Variants in SMYD3 observed in about 807,000 individuals in gnomAD.
The protein encoded by SMYD3 is SET and MYND domain containing 3, also known as histone-lysine N-methyltransferase SMYD3.
In SMYD3, 36 loss-of-function variants were observed where a neutral mutation model predicts 57.7. That is an observed-to-expected ratio of 0.62 (90% CI 0.48 to 0.82). The LOEUF (loss-of-function observed/expected upper bound fraction) is 0.82. SMYD3 is among the 40% of genes least tolerant of loss of function. The pLI is 0.00. For missense variants in SMYD3, 515 were observed against 538.8 expected (o/e 0.96, Z 0.44); for synonymous variants, 211 against 195.0 (o/e 1.08, Z -0.68).
At chr1:246,462,913 A>G (rs2067824667) in intron 1 of SMYD3, among the ~76,000 whole-genome samples, 1 of 152,182 alleles carries the variant, frequency 6.6e-6, no homozygotes, top group South Asian at 2.1e-4. Context: ...CAGCAAAATC[A>G]CATCTAAGAG....
intron 5 of SMYD3, among the ~76,000 whole-genome samples, chr1:246,190,584 CAA>C (rs11302731): frequency 0.06 from 3,774 of 62,650 alleles, 24 homozygotes; most frequent in Non-Finnish European, 0.073. Context: ...GACTCTGTCT[CAA>C]AAAAAAAAAA....
chr1:246,117,610 G>A (rs192725839), intron 5 of SMYD3, among the ~76,000 whole-genome samples: 1 of 152,174 alleles, frequency 6.6e-6, no homozygotes, highest in East Asian at 1.9e-4. Context: ...CCCAGTGCTC[G>A]CTCTTGCGCA....
chr1:246,000,839 G>A (rs2059027453), intron 5 of SMYD3, among the ~76,000 whole-genome samples: 1 of 152,128 alleles, frequency 6.6e-6, no homozygotes, highest in Non-Finnish European at 1.5e-5. Flanking sequence ...ATATCTATCA[G>A]TGAGTATTTG....
intron 10 of SMYD3, among the ~76,000 whole-genome samples, chr1:245,851,584 C>G (rs1439574874): frequency 6.6e-6 from 1 of 152,184 alleles, no homozygotes; most frequent in African/African-American, 2.4e-5. Flanking sequence ...TTTCCTAAAG[C>G]CCCATGCCTG....
chr1:246,484,020 C>CTATTGTA (rs1558485715), intron 1 of SMYD3, among the ~76,000 whole-genome samples: 2 of 145,566 alleles, frequency 1.4e-5, no homozygotes, highest in African/African-American at 5.2e-5. Context: ...AATACCTAAA[C>CTATTGTA]CATTGCACTA....
intron 5 of SMYD3, among the ~76,000 whole-genome samples, chr1:246,008,452 C>T (rs556067124): frequency 6.6e-6 from 1 of 152,356 alleles, no homozygotes; most frequent in African/African-American, 2.4e-5. Flanking sequence ...AGGTGATCTG[C>T]CCTCTGGGCT....
intron 5 of SMYD3, chr1:245,953,503 C>T (rs1231501262): frequency 3.8e-6 from 1 of 265,936 alleles, no homozygotes; most frequent in African/African-American, 2.3e-5. Flanking sequence ...TCACTGCAAG[C>T]TCCGCCTCCT....
At chr1:245,954,954 A>G (rs567189290) in intron 5 of SMYD3, among the ~76,000 whole-genome samples, 6 of 152,236 alleles carry the variant, frequency 3.9e-5, no homozygotes, top group Non-Finnish European at 7.3e-5. Flanking sequence ...CAGTAGTTGC[A>G]GAATAAAGAC....
At chr1:246,190,759 C>T (rs1169888488) in intron 5 of SMYD3, among the ~76,000 whole-genome samples, 1 of 151,992 alleles carries the variant, frequency 6.6e-6, no homozygotes, top group Non-Finnish European at 1.5e-5. Context: ...AGAAGATAGT[C>T]GAGGTCAAGA....
intron 5 of SMYD3, among the ~76,000 whole-genome samples, chr1:246,244,376 T>A (rs12057323): frequency 6.6e-6 from 1 of 151,426 alleles, no homozygotes; most frequent in African/African-American, 2.4e-5. Flanking sequence ...ATTCTACTTG[T>A]GAGTGTGGAA....
intron 5 of SMYD3, among the ~76,000 whole-genome samples, chr1:246,065,389 T>C (rs1393533129): frequency 6.6e-6 from 1 of 152,192 alleles, no homozygotes; most frequent in Non-Finnish European, 1.5e-5. Context: ...GTTGTTTAAA[T>C]AGAATCAAAA....
chr1:245,798,386 A>ACG (rs376590969), intron 10 of SMYD3, among the ~76,000 whole-genome samples: 1 of 134,654 alleles, frequency 7.4e-6, no homozygotes, highest in Non-Finnish European at 1.6e-5. Context: ...CAACACACAC[A>ACG]CGCGCACACA....
intron 6 of SMYD3, among the ~76,000 whole-genome samples, chr1:245,928,591 T>C (rs2056531993): frequency 6.6e-6 from 1 of 152,132 alleles, no homozygotes; most frequent in Non-Finnish European, 1.5e-5. Context: ...GGAGAATCGC[T>C]TGAACCCAGG....
chr1:246,183,570 G>A (rs12568157), intron 5 of SMYD3, among the ~76,000 whole-genome samples: 3,897 of 152,020 alleles, frequency 0.026, 205 homozygotes, highest in East Asian at 0.22. Flanking sequence ...GACTAGCTAG[G>A]GGAGTATGTC....
At chr1:245,867,378 A>G (rs941056599) in intron 8 of SMYD3, among the ~76,000 whole-genome samples, 12 of 152,326 alleles carry the variant, frequency 7.9e-5, no homozygotes, top group Non-Finnish European at 1.6e-4. Context: ...TTGAGATGCT[A>G]TATTTATGAT....
chr1:245,868,476 C>T (rs962597756), intron 8 of SMYD3, among the ~76,000 whole-genome samples: 1 of 152,056 alleles, frequency 6.6e-6, no homozygotes, highest in South Asian at 2.1e-4. Flanking sequence ...CAGCAGATCT[C>T]GTATTCTTCT....
rs2067362464 is a variant in SMYD3, at chr1:246,435,777, G to T, written c.164+71277C>A. On this transcript the variant is annotated intron_variant, in intron 1 of 11. Transcript: ENST00000490107. The stretch of plus-strand genomic sequence containing the variant: ...ATACAAGAATTCCAAGAATTCCAAG[G>T]AGAAGATACAAGAATTCCAAGAATT... Among the ~76,000 whole-genome samples, 4 of 152,048 alleles carry T rather than the reference G, an allele frequency of 2.6e-5. No homozygotes were observed. In the South Asian group the frequency reaches 8.4e-4, roughly 32 times the overall value.
At chr1:245,792,837 C>T (rs559480933) in intron 10 of SMYD3, among the ~76,000 whole-genome samples, 13 of 152,176 alleles carry the variant, frequency 8.5e-5, no homozygotes, top group South Asian at 8.3e-4. Flanking sequence ...GAAGTCTCCT[C>T]GGGATTTTAT....
intron 10 of SMYD3, among the ~76,000 whole-genome samples, chr1:245,824,968 T>C (rs955289598): frequency 1.3e-5 from 2 of 150,012 alleles, no homozygotes; most frequent in African/African-American, 2.5e-5. Flanking sequence ...GAGGCAGAGG[T>C]TGCAGTCAGC....
Sources: allele counts gnomAD v4.1 joint callset (sites outside exome capture counted in the v4.1 genomes callset), GRCh38; gene constraint gnomAD v4.1.1; transcripts MANE v1.5; gene names NCBI Gene and HGNC (gene_info 2026-07-23, HGNC 2026-07-21).